The following AQR variants were observed in gnomAD, a reference collection of about 807,000 sequenced individuals.
The protein encoded by AQR is aquarius intron-binding spliceosomal factor, also known as RNA helicase aquarius.
A neutral mutation model predicts 180.5 loss-of-function variants in AQR; 61 were observed. That is an observed-to-expected ratio of 0.34 (90% confidence interval 0.28 to 0.42). The LOEUF is 0.42. Among genes scored for constraint, AQR ranks in the 10% least tolerant of loss-of-function variants. AQR has a pLI of 1.00. For synonymous variants in AQR, 551 were observed against 588.8 expected, an observed-to-expected ratio of 0.94 and a Z score of 0.93; for missense variants, 1,281 against 1,798.3, an observed-to-expected ratio of 0.71 and a Z score of 5.20.
At chr15:34,861,624 C>T (rs945609788) in intron 33 of AQR, among the ~76,000 whole-genome samples, 7 of 152,256 alleles carry the variant, frequency 4.6e-5, no homozygotes, top group African/African-American at 1.7e-4. Flanking sequence ...TAGGCTCTGT[C>T]CCAGACCTCT....
At chr15:34,947,797 G>A (rs1024061868) in intron 5 of AQR, among the ~76,000 whole-genome samples, 3 of 151,854 alleles carry the variant, frequency 2.0e-5, no homozygotes, top group Admixed American at 1.3e-4. Flanking sequence ...ATGCCACCAT[G>A]CCTGGCTAAT....
intron 24 of AQR, 27 bp downstream of exon 24, chr15:34,890,188 C>T (rs1374836850): frequency 1.3e-6 from 2 of 1,547,358 alleles, no homozygotes; most frequent in East Asian, 2.3e-5. Context: ...TCCTTTTTTA[C>T]ACTGTTACTC....
intron 30 of AQR, among the ~76,000 whole-genome samples, chr15:34,872,272 T>C (rs1389302916): frequency 2.0e-5 from 3 of 152,202 alleles, no homozygotes; most frequent in Non-Finnish European, 4.4e-5. Flanking sequence ...TCGACACTAA[T>C]TCTTCAAATG....
chr15:34,931,570 G>A (rs948957697), intron 11 of AQR, among the ~76,000 whole-genome samples: 2 of 152,138 alleles, frequency 1.3e-5, no homozygotes. Flanking sequence ...CATTTTGGGA[G>A]GCCGAGGTGG....
intron 15 of AQR, among the ~76,000 whole-genome samples, chr15:34,917,800 T>C (rs1893618263): frequency 7.1e-6 from 1 of 140,452 alleles, no homozygotes; most frequent in African/African-American, 2.7e-5. Context: ...CTGAGCAACA[T>C]GGCGAGACCT....
chr15:34,968,346 G>A (rs1216302720), intron 1 of AQR, among the ~76,000 whole-genome samples: 1 of 151,694 alleles, frequency 6.6e-6, no homozygotes, highest in Non-Finnish European at 1.5e-5. Context: ...TCCGCCTCCC[G>A]GGTTCACGCC....
At chr15:34,901,049 C>T (rs1010820518) in intron 19 of AQR, among the ~76,000 whole-genome samples, 186 bp from the exon 20 acceptor site, 9 of 152,162 alleles carry the variant, frequency 5.9e-5, no homozygotes, top group African/African-American at 2.2e-4. Flanking sequence ...GCTGATACCA[C>T]ACACTGAGTT....
intron 10 of AQR, among the ~76,000 whole-genome samples, chr15:34,934,218 TTATTG>T (rs992867346): frequency 1.3e-4 from 20 of 150,878 alleles, no homozygotes; most frequent in South Asian, 6.3e-4. Context: ...TTATTGTATT[TTATTG>T]TATTGTATTA....
rs1366244433 is a variant in AQR at position 34,867,501 on chromosome 15, T to C, written c.3854+23A>G. The C allele has an allele frequency of 1.9e-6, 3 of 1,585,466 alleles. No individual in the cohort carries two copies. In the Admixed American group the frequency reaches 5.0e-5, roughly 27 times the overall value. On this transcript the variant is annotated intron_variant, in intron 32 of 34. Coordinates refer to ENST00000156471, the MANE Select transcript of AQR (RefSeq NM_014691.3). ...GTAGATAGTAAAGTTCAATAAATAT[T>C]ATGAAAGTTTTTTCCTACGTACCTC...
At chr15:34,952,408 T>G (rs1057252164) in intron 4 of AQR, among the ~76,000 whole-genome samples, 1 of 152,246 alleles carries the variant, frequency 6.6e-6, no homozygotes, top group Non-Finnish European at 1.5e-5. Context: ...ACAACAATCC[T>G]GGCTCTTATT....
At chr15:34,956,341 G>A (rs1010804759) in intron 3 of AQR, among the ~76,000 whole-genome samples, 1 of 152,088 alleles carries the variant, frequency 6.6e-6, no homozygotes, top group Non-Finnish European at 1.5e-5. Flanking sequence ...GAAGGCAAAG[G>A]ACTCTTATTT....
intron 4 of AQR, among the ~76,000 whole-genome samples, chr15:34,950,036 C>A (rs1403495554): frequency 6.8e-6 from 1 of 148,098 alleles, no homozygotes; most frequent in Non-Finnish European, 1.5e-5. Context: ...CTCCACATAC[C>A]TTATTTTCCT....
intron 6 of AQR, among the ~76,000 whole-genome samples, chr15:34,944,075 A>G (rs1894071496): frequency 6.6e-6 from 1 of 152,228 alleles, no homozygotes; most frequent in African/African-American, 2.4e-5. Flanking sequence ...TCAATTTCAA[A>G]TCTATTAAAA....
intron 2 of AQR, among the ~76,000 whole-genome samples, chr15:34,963,242 G>A (rs1301178730): frequency 1.3e-5 from 2 of 152,090 alleles, no homozygotes; most frequent in African/African-American, 2.4e-5. Context: ...ATCTCCCAAA[G>A]CACTAGGATT....
rs1892528704 is a variant in AQR at position 34,852,452 on chromosome 15, T to A, written c.*4340A>T. The stretch of plus-strand genomic sequence containing the variant: ...TCCCAAAGTGCTGGGATTACAGGCG[T>A]GAGCCACTGCACCCGGCTCGTGTTC... On this transcript the variant is annotated 3_prime_UTR_variant, in exon 35 of 35. Transcript: ENST00000156471. 1 of 152,266 alleles carries A rather than the reference T, an allele frequency of 6.6e-6. No homozygotes were observed. Among genetic ancestry groups the A allele is most frequent in the South Asian group, 2.1e-4 (1 of 4,836 alleles). 9.4% of individuals were successfully genotyped at this position (152,266 alleles called of 1,614,324 possible).
intron 9 of AQR, among the ~76,000 whole-genome samples, chr15:34,937,162 T>C (rs1236516233): frequency 2.0e-5 from 3 of 152,116 alleles, no homozygotes. Context: ...CTCAGCCTCC[T>C]GAGTAGCTGG....
At chr15:34,885,973 T>TA (rs1212684964) in intron 25 of AQR, among the ~76,000 whole-genome samples, 2 of 152,210 alleles carry the variant, frequency 1.3e-5, no homozygotes, top group Non-Finnish European at 2.9e-5. Flanking sequence ...AGTTTAGTTT[T>TA]ATTCACTTTA....
chr15:34,954,475 T>G (rs1038655233), intron 3 of AQR, among the ~76,000 whole-genome samples: 1 of 152,000 alleles, frequency 6.6e-6, no homozygotes, highest in Non-Finnish European at 1.5e-5. Context: ...CCAGCTAATT[T>G]TTTTGATTTT....
In AQR at chr15:34,898,641, T is replaced by G. The variant is rs1169433768; in HGVS notation, c.2244-936A>C. Among the ~76,000 whole-genome samples the G allele has an allele frequency of 3.3e-5, 5 of 152,266 alleles. No individual in the cohort carries two copies. The East Asian group carries it at 9.7e-4, about 29-fold the overall frequency. On this transcript the variant is annotated intron_variant, in intron 20 of 34. Coordinates refer to ENST00000156471, the MANE Select transcript of AQR (RefSeq NM_014691.3). ...TGGCTCACACCTGTGATCCAGCACT[T>G]TGGGAGGCCGAGGCGGGTGAATCAC... is the stretch of plus-strand genomic sequence containing the variant.
Sources: gnomAD v4.1 joint callset for allele counts (sites outside exome capture counted in the v4.1 genomes callset) on GRCh38, gnomAD v4.1.1 for gene constraint, MANE v1.5 for transcripts, NCBI Gene and HGNC (gene_info 2026-07-23, HGNC 2026-07-21) for gene names.